The following ZBTB7C variants were observed in gnomAD, a reference collection of about 807,000 sequenced individuals.
ZBTB7C encodes the protein zinc finger and BTB domain containing 7C, also known as zinc finger and BTB domain-containing protein 7C.
Under a neutral mutation model 25.7 loss-of-function variants are expected in ZBTB7C, and 8 were observed. The ratio of observed to expected loss-of-function variants is 0.31; its 90% CI spans 0.18 to 0.56. The LOEUF (loss-of-function observed/expected upper bound fraction) is 0.56, where lower values mean the gene tolerates loss of function less well. Among genes scored for constraint, ZBTB7C ranks in the 20% least tolerant of loss-of-function variants. The pLI is 0.91. For synonymous variants in ZBTB7C, 394 were observed against 369.0 expected (o/e 1.07, Z -0.78); for missense variants, 824 against 855.2 (o/e 0.96, Z 0.46).
chr18:48,297,062 T>C (rs1473110595), intron 2 of ZBTB7C, among the ~76,000 whole-genome samples: 2 of 152,026 alleles, frequency 1.3e-5, no homozygotes, highest in Admixed American at 6.5e-5. Flanking sequence ...TGTGGAAAAT[T>C]TGTCTTCCAC....
At chr18:48,043,928 G>A (rs1352139924) in intron 3 of ZBTB7C, among the ~76,000 whole-genome samples, 4 of 152,262 alleles carry the variant, frequency 2.6e-5, no homozygotes, top group East Asian at 1.9e-4. Context: ...GGAGGGGGGC[G>A]CTTTACCCAG....
At chr18:48,318,220 A>T (rs1309092095) in intron 2 of ZBTB7C, among the ~76,000 whole-genome samples, 1 of 152,124 alleles carries the variant, frequency 6.6e-6, no homozygotes, top group South Asian at 2.1e-4. Flanking sequence ...AAAACAAAAA[A>T]AAAACCTAAA....
At chr18:48,392,928 T>G (rs1241979855) in intron 1 of ZBTB7C, among the ~76,000 whole-genome samples, 1 of 152,078 alleles carries the variant, frequency 6.6e-6, no homozygotes, top group Non-Finnish European at 1.5e-5. Context: ...TGCTGACCAG[T>G]GAGTGTCCCT....
chr18:48,385,838 G>A (rs962189489), intron 1 of ZBTB7C, among the ~76,000 whole-genome samples: 17 of 152,302 alleles, frequency 1.1e-4, no homozygotes, highest in African/African-American at 4.1e-4. Context: ...GGCAGCCAGG[G>A]TGGCAGACAC....
At chr18:48,168,039 C>G (rs28576508) in intron 3 of ZBTB7C, among the ~76,000 whole-genome samples, 2 of 152,150 alleles carry the variant, frequency 1.3e-5, no homozygotes, top group African/African-American at 4.8e-5. Flanking sequence ...TTTGATTTGG[C>G]CTTGGTGACC....
At chr18:48,381,082 G>A (rs1263868118) in intron 1 of ZBTB7C, among the ~76,000 whole-genome samples, 1 of 152,178 alleles carries the variant, frequency 6.6e-6, no homozygotes, top group Non-Finnish European at 1.5e-5. Flanking sequence ...TCAATCAAGG[G>A]TGATGGTAGA....
chr18:48,289,954 A>T (rs2045173209), intron 2 of ZBTB7C, among the ~76,000 whole-genome samples: 2 of 152,148 alleles, frequency 1.3e-5, no homozygotes, highest in Admixed American at 6.5e-5. Flanking sequence ...AACGAATTTG[A>T]TATCTATGTA....
At chr18:48,325,772 T>C (rs1015604799) in intron 2 of ZBTB7C, among the ~76,000 whole-genome samples, 5 of 152,162 alleles carry the variant, frequency 3.3e-5, no homozygotes, top group African/African-American at 7.2e-5. Flanking sequence ...TCAGGTCATG[T>C]AGCTCACCTG....
intron 2 of ZBTB7C, among the ~76,000 whole-genome samples, chr18:48,197,772 A>G (rs1255533510): frequency 6.6e-6 from 1 of 152,110 alleles, no homozygotes; most frequent in Non-Finnish European, 1.5e-5. Flanking sequence ...CACCTTTATG[A>G]CCTTGCTTAA....
chr18:48,347,553 C>T (rs1254758954), intron 1 of ZBTB7C, among the ~76,000 whole-genome samples: 14 of 152,066 alleles, frequency 9.2e-5, no homozygotes, highest in African/African-American at 3.4e-4. Flanking sequence ...TGAATCCTCA[C>T]CCTGCTGCCT....
intron 3 of ZBTB7C, among the ~76,000 whole-genome samples, chr18:48,167,701 T>C (rs2041315086): frequency 6.6e-6 from 1 of 152,164 alleles, no homozygotes; most frequent in African/African-American, 2.4e-5. Context: ...TTAGTGAGGA[T>C]GAGCCCAAAC....
intron 3 of ZBTB7C, among the ~76,000 whole-genome samples, chr18:48,099,030 A>G (rs2038740214): frequency 6.6e-6 from 1 of 152,180 alleles, no homozygotes; most frequent in African/African-American, 2.4e-5. Context: ...TAAGTAGCCA[A>G]TACACATTCT....
intron 2 of ZBTB7C, among the ~76,000 whole-genome samples, chr18:48,269,649 G>A (rs1241017471): frequency 6.6e-6 from 1 of 152,198 alleles, no homozygotes; most frequent in African/African-American, 2.4e-5. Flanking sequence ...CTCACTGTAA[G>A]GTATGTTAAC....
chr18:48,289,538 CATAT>C (rs2045157961), intron 2 of ZBTB7C, among the ~76,000 whole-genome samples: 2 of 127,282 alleles, frequency 1.6e-5, no homozygotes, highest in African/African-American at 6.0e-5. Flanking sequence ...TGTGTATTTA[CATAT>C]ATATTCATTC....
chr18:48,119,988 C>T (rs950393740), intron 3 of ZBTB7C, among the ~76,000 whole-genome samples: 2 of 152,112 alleles, frequency 1.3e-5, no homozygotes, highest in South Asian at 2.1e-4. Flanking sequence ...TGGCGTTTCT[C>T]GAACCGTCAT....
chr18:48,407,286 G>T (rs2048303116), intron 1 of ZBTB7C, among the ~76,000 whole-genome samples: 1 of 152,184 alleles, frequency 6.6e-6, no homozygotes, highest in African/African-American at 2.4e-5. Context: ...AAAAAAAGCT[G>T]CAAATTCTTC....
At chr18:48,409,015 C>T (rs2048346494) in intron 1 of ZBTB7C, among the ~76,000 whole-genome samples, 1 of 150,976 alleles carries the variant, frequency 6.6e-6, no homozygotes, top group African/African-American at 2.4e-5. Context: ...CTGCCCACCG[C>T]GCGGAGGGCG....
chr18:48,321,811 C>T (rs1035883479), intron 2 of ZBTB7C, among the ~76,000 whole-genome samples: 4 of 152,116 alleles, frequency 2.6e-5, no homozygotes, highest in East Asian at 1.9e-4. Flanking sequence ...CCGCCCCAGC[C>T]GAGAGCAGCA....
intron 1 of ZBTB7C, among the ~76,000 whole-genome samples, chr18:48,359,776 T>C (rs926033480): frequency 6.6e-6 from 1 of 152,150 alleles, no homozygotes; most frequent in African/African-American, 2.4e-5. Context: ...AAGATGTCAT[T>C]TGTGCTGAGG....
Sources: gnomAD v4.1 joint callset for allele counts (sites outside exome capture counted in the v4.1 genomes callset) on GRCh38, gnomAD v4.1.1 for gene constraint, MANE v1.5 for transcripts, NCBI Gene and HGNC (gene_info 2026-07-23, HGNC 2026-07-21) for gene names.